Variants in RASAL1 observed in about 807,000 individuals in gnomAD.
RASAL1 encodes RAS protein activator like 1, also known as rasGAP-activating-like protein 1.
A neutral mutation model predicts 96.6 loss-of-function variants in RASAL1; 72 were observed. The ratio of observed to expected loss-of-function variants is 0.75; its 90% CI spans 0.62 to 0.91. The LOEUF is 0.91. Among genes scored for constraint, RASAL1 ranks in the 40% least tolerant of loss-of-function variants. RASAL1 has a pLI of 0.00. For missense variants in RASAL1, 1,016 were observed against 1,072.5 expected (o/e 0.95, Z 0.74); for synonymous variants, 405 against 430.4 (o/e 0.94, Z 0.73).
Position 113,122,525 on chromosome 12 carries a change from A to G in RASAL1, c.299-887T>C, listed in dbSNP as rs1028891359. Among the ~76,000 whole-genome samples, 7 of 152,082 alleles carry G rather than the reference A, an allele frequency of 4.6e-5. No individual in the cohort carries two copies. The South Asian group carries it at 1.2e-3, about 27-fold the overall frequency. The stretch of plus-strand genomic sequence containing the variant: ...TTTTTTGTAGAGACGAGGTTTTGCC[A>G]TGTTGCCCAGGCTGGTCTCGAACTC... On this transcript the variant is annotated intron_variant, in intron 4 of 20. Transcript: ENST00000548055.
chr12:113,113,930 T>C (rs1950964726), intron 12 of RASAL1, among the ~76,000 whole-genome samples: 1 of 152,014 alleles, frequency 6.6e-6, no homozygotes, highest in Non-Finnish European at 1.5e-5. Flanking sequence ...ATAATAAAAA[T>C]CGCTAATGTT....
At chr12:113,131,154 C>T (rs1279310984) in intron 1 of RASAL1, among the ~76,000 whole-genome samples, 1 of 151,556 alleles carries the variant, frequency 6.6e-6, no homozygotes, top group Non-Finnish European at 1.5e-5. Context: ...GCACTCTGGG[C>T]TTCCACCCAT....
rs1950633917 is a variant in RASAL1 at position 113,106,035 on chromosome 12, C to A, written c.1658-149G>T. 8 of 797,848 alleles carry A rather than the reference C, an allele frequency of 1.0e-5. No individual in the cohort carries two copies. In the South Asian group the frequency reaches 1.3e-4, roughly 13 times the overall value. 49.4% of individuals were successfully genotyped at this position (797,848 alleles called of 1,614,324 possible). A position where few individuals can be genotyped will look rare whatever the true frequency, so the allele number is the denominator to read the frequency against. The stretch of plus-strand genomic sequence containing the variant: ...GGAGGATGAGCGCGATGACTTCAGA[C>A]CACTCCCTCAATAGGGGATGCAATC... On this transcript the variant is annotated intron_variant, in intron 15 of 20. Transcript: ENST00000548055.
At chr12:113,104,136 G>T in intron 17 of RASAL1, 25 bp downstream of exon 17, 1 of 1,594,390 alleles carries the variant, frequency 6.3e-7, no homozygotes, top group Non-Finnish European at 8.6e-7. Context: ...GACGCCCCCC[G>T]CTCCCCATCG....
rs1312248584 is a variant in RASAL1 at position 113,129,182 on chromosome 12, T to C, written c.123-1004A>G. Among the ~76,000 whole-genome samples the C allele has an allele frequency of 6.6e-6, 1 of 152,126 alleles. No homozygotes were observed. Among genetic ancestry groups the C allele is most frequent in the Non-Finnish European group, 1.5e-5 (1 of 68,008 alleles). On this transcript the variant is annotated intron_variant, in intron 2 of 20. Transcript: ENST00000548055. This position sits in a 1 kb window ranked among gnomAD's most constrained non-coding sequence, Gnocchi z 5.0. ...AATTAGGACATGGTGGGAGAAGTCC[T>C]GGGATTGGGGTTAGCTCAATCGCCC...
intron 13 of RASAL1, among the ~76,000 whole-genome samples, chr12:113,109,663 C>G (rs1208554630): frequency 6.6e-6 from 1 of 152,212 alleles, no homozygotes; most frequent in Non-Finnish European, 1.5e-5. Flanking sequence ...ACACATGAAA[C>G]AATGCCCTCC....
intron 7 of RASAL1, 112 bp downstream of exon 7, chr12:113,119,016 G>C: frequency 7.5e-7 from 1 of 1,333,152 alleles, no homozygotes; most frequent in Admixed American, 2.3e-5. Context: ...AACCTGATGA[G>C]GCAGCTGTAC....
intron 4 of RASAL1, among the ~76,000 whole-genome samples, chr12:113,123,100 T>C (rs1260153231): frequency 6.6e-6 from 1 of 152,254 alleles, no homozygotes; most frequent in East Asian, 1.9e-4. Flanking sequence ...GGTGCTTTTC[T>C]AAAATCTGTC....
chr12:113,126,538 C>T (rs547463338), intron 4 of RASAL1, among the ~76,000 whole-genome samples: 6 of 152,082 alleles, frequency 3.9e-5, no homozygotes, highest in African/African-American at 1.4e-4. Context: ...AAAAATTAGC[C>T]AGGTGTGGTG....
At chr12:113,111,509 T>A (rs2136152056) in intron 13 of RASAL1, among the ~76,000 whole-genome samples, 1 of 152,308 alleles carries the variant, frequency 6.6e-6, no homozygotes, top group African/African-American at 2.4e-5. Flanking sequence ...GATAGGGTAA[T>A]AAATACATAA....
At chr12:113,121,306 G>T (rs1040475882) in intron 5 of RASAL1, among the ~76,000 whole-genome samples, 2 of 152,196 alleles carry the variant, frequency 1.3e-5, no homozygotes, top group African/African-American at 4.8e-5. Flanking sequence ...GTTGCTGCTA[G>T]TCCCTGGGGA....
intron 4 of RASAL1, among the ~76,000 whole-genome samples, chr12:113,126,308 A>T (rs886749338): frequency 8.5e-5 from 13 of 152,166 alleles, no homozygotes; most frequent in African/African-American, 2.2e-4. Context: ...TTAATTAATT[A>T]AAAAAATTTT....
At position 113,135,411 on chromosome 12, in the gene RASAL1, G is replaced by A. The variant is rs758897444; in HGVS notation, c.52C>T (p.Pro18Ser). Residue 18 changes from proline (P) to serine (S), a missense_variant, in exon 1 of 21, where the codon CCT (proline) becomes TCT (serine). Physicochemically the swap from Pro to Ser is moderately conservative, Grantham distance 74. Coordinates refer to ENST00000548055, the MANE Select transcript of RASAL1 (RefSeq NM_001301202.2). The surrounding 1 kb of genome is among the most constrained non-coding windows in gnomAD (Gnocchi z 5.7). The stretch of plus-strand genomic sequence containing the variant: ...AGGAGTACTCACACGTCCTTGGCAG[G>A]CAGCGCGCGGCCCTCCACCACGCGA... Reference protein sequence around the residue: ...NVRVVEGRALPAKDVSGSSDP... With the variant: ...NVRVVEGRALSAKDVSGSSDP... 1 of 1,609,436 alleles carries A rather than the reference G, an allele frequency of 6.2e-7. No individual in the cohort carries two copies. The highest frequency in any genetic ancestry group is 1.7e-5 in the Admixed American group (1 of 59,706).
intron 16 of RASAL1, among the ~76,000 whole-genome samples, chr12:113,104,511 T>C (rs1029098837): frequency 2.0e-5 from 3 of 152,184 alleles, no homozygotes; most frequent in African/African-American, 7.2e-5. Context: ...TTTTTATTTA[T>C]TTATTTTTTT....
intron 18 of RASAL1, chr12:113,103,100 AT>A (rs1354523845): frequency 3.2e-6 from 1 of 316,176 alleles, no homozygotes; most frequent in South Asian, 2.6e-5. Context: ...CACTTATAAC[AT>A]TGTATTACAT....
At chr12:113,117,200 GCCTGC>G in intron 7 of RASAL1, 39 bp from the exon 8 acceptor site, 8 of 1,467,574 alleles carry the variant, frequency 5.5e-6, no homozygotes, top group Admixed American at 3.6e-5. Context: ...CCGGGCCCTG[GCCTGC>G]CCTGCCCTGC....
chr12:113,101,651 C>T (rs1389388009), intron 19 of RASAL1, among the ~76,000 whole-genome samples: 1 of 142,514 alleles, frequency 7.0e-6, no homozygotes, highest in Non-Finnish European at 1.6e-5. Context: ...GCCAGGGTCT[C>T]TGGAGCTCCA....
At position 113,135,485 on chromosome 12, in the gene RASAL1, A is replaced by G; in HGVS notation, c.-23T>C. On this transcript the variant is annotated 5_prime_UTR_variant, in exon 1 of 21. Coordinates refer to ENST00000548055, the MANE Select transcript of RASAL1 (RefSeq NM_001301202.2). This position sits in a 1 kb window ranked among gnomAD's most constrained non-coding sequence, Gnocchi z 5.7. Reference sequence around the variant, plus strand: ...CATGGCGCCTAGCCACAAACTTTCCAGGCAGAAGGGCGCTCAGGTTCCGAG... The same window carrying G: ...CATGGCGCCTAGCCACAAACTTTCCGGGCAGAAGGGCGCTCAGGTTCCGAG... 6.3e-7 allele frequency: 1 copy of G among 1,592,672 alleles called. No individual in the cohort carries two copies. The highest frequency in any genetic ancestry group is 8.5e-7 in the Non-Finnish European group (1 of 1,169,942).
chr12:113,131,178 G>C (rs183938500), intron 1 of RASAL1, among the ~76,000 whole-genome samples: 15 of 151,568 alleles, frequency 9.9e-5, no homozygotes, highest in Admixed American at 9.9e-4. Flanking sequence ...AATAGAACAG[G>C]GAGGCCTGAG....
Sources: gnomAD v4.1 joint callset for allele counts (sites outside exome capture counted in the v4.1 genomes callset) on GRCh38, gnomAD v4.1.1 for gene constraint, Gnocchi (gnomAD v3.1) non-coding constraint, MANE v1.5 for transcripts, NCBI Gene and HGNC (gene_info 2026-07-23, HGNC 2026-07-21) for gene names.